ERBB2: variants seen among roughly 807,000 people sequenced by gnomAD.
The protein encoded by ERBB2 is erb-b2 receptor tyrosine kinase 2.
A neutral mutation model predicts 149.0 loss-of-function variants in ERBB2; 61 were observed. That is an observed-to-expected ratio of 0.41 (90% CI 0.33 to 0.51). The LOEUF is 0.51. ERBB2 is among the 20% of genes least tolerant of loss of function. ERBB2 has a pLI of 0.25. For synonymous variants in ERBB2, 633 were observed against 678.8 expected (o/e 0.93, Z 1.05); for missense variants, 1,205 against 1,655.1 (o/e 0.73, Z 4.72).
chr17:39,696,097 C>T (rs1188035910), upstream of ERBB2, among the ~76,000 whole-genome samples: 1 of 152,246 alleles, frequency 6.6e-6, no homozygotes, highest in South Asian at 2.1e-4. Context: ...CAGACATCCT[C>T]TTTCCTGGGC....
chr17:39,707,173 G>C (rs2145413530), intron 2 of ERBB2, 32 bp downstream of exon 2: 1 of 1,517,538 alleles, frequency 6.6e-7, no homozygotes, highest in South Asian at 1.3e-5. Flanking sequence ...GCCAGGCCCT[G>C]CCTCCAGCTG....
chr17:39,694,657 G>C (rs2057820367), upstream of ERBB2: 2 of 152,128 alleles, frequency 1.3e-5, no homozygotes. Flanking sequence ...CTTTGTGATT[G>C]CCATAGTTGT....
exon 2 of ERBB2, chr17:39,688,770 A>G (rs1162162493): frequency 6.6e-6 from 1 of 152,026 alleles, no homozygotes; most frequent in Non-Finnish European, 1.5e-5. Flanking sequence ...CCTGTTCACC[A>G]CTCTACCTCC....
Position 39,700,070 on chromosome 17 carries a change from C to T in ERBB2, c.-169C>T. 2 of 1,271,760 alleles carry T rather than the reference C, an allele frequency of 1.6e-6. No homozygotes were observed. The highest frequency in any genetic ancestry group is 2.0e-6 in the Non-Finnish European group (2 of 1,012,590). The allele number at this position is 1,271,760 out of a possible 1,614,324, so 78.8% of individuals were successfully genotyped here. ...AAGTTGTGAAGCTGAGATTCCCCTC[C>T]ATTGGGACCGGAGAAACCAGGGGAG... is the stretch of plus-strand genomic sequence containing the variant. On this transcript the variant is annotated 5_prime_UTR_variant, in exon 1 of 27. Transcript: ENST00000269571.
rs776838845 is a variant in ERBB2 at position 39,725,857 on chromosome 17, C to T, written c.2872+4C>T. 40 of 1,612,812 alleles carry T rather than the reference C, an allele frequency of 2.5e-5. No individual in the cohort carries two copies. In the East Asian group the frequency reaches 6.0e-4, roughly 24 times the overall value. On this transcript the variant is annotated splice_donor_region_variant and intron_variant, in intron 23 of 26. Coordinates refer to ENST00000269571, the MANE Select transcript of ERBB2 (RefSeq NM_004448.4). This position sits in a 1 kb window ranked among gnomAD's most constrained non-coding sequence, Gnocchi z 4.6. ...GTCTACATGATCATGGTCAAATGTG[C>T]GTGGCTGAGCTGTGCTGGCTGCCTG... is the stretch of plus-strand genomic sequence containing the variant.
Position 39,712,351 on chromosome 17 carries a change from C to A in ERBB2, c.1051C>A (p.Arg351=), listed in dbSNP as rs770327076. The A allele has an allele frequency of 1.9e-6, 3 of 1,610,372 alleles. No individual in the cohort carries two copies. Among genetic ancestry groups the A allele is most frequent in the Admixed American group, 1.7e-5 (1 of 59,916 alleles). The change falls in exon 9 of 27, where the codon CGA becomes AGA. Residue 351 remains arginine (R), a synonymous_variant. Transcript: ENST00000269571. Reference sequence around the variant, plus strand: ...CTATGGTCTGGGCATGGAGCACTTGCGAGAGGTGAGGGCAGTTACCAGTGC... The same window carrying A: ...CTATGGTCTGGGCATGGAGCACTTGAGAGAGGTGAGGGCAGTTACCAGTGC... ...VCYGLGMEHL[R]EVRAVTSANI...
At chr17:39,710,273 C>T (rs534429617) in intron 6 of ERBB2, 67 bp from the exon 7 acceptor site, 6 of 1,610,784 alleles carry the variant, frequency 3.7e-6, no homozygotes, top group East Asian at 2.2e-5. Flanking sequence ...CTGCCTGGTA[C>T]TGCCCTATTG....
intron 14 of ERBB2, 123 bp from the exon 15 acceptor site, chr17:39,717,197 G>T: frequency 1.4e-6 from 1 of 730,040 alleles, no homozygotes; most frequent in Non-Finnish European, 2.1e-6. Context: ...TGTCCCAGGA[G>T]CATGGCGAAA....
Position 39,709,175 on chromosome 17 carries a change from G to A in ERBB2, c.440-143G>A, listed in dbSNP as rs943049515. On this transcript the variant is annotated intron_variant, in intron 3 of 26. Transcript: ENST00000269571. ...TGTGGTGGTGGTGGGACTCAAAGAC[G>A]GTAAAGATAGCTTTCTCTCCTCCCT... 48 of 925,148 alleles carry A rather than the reference G, an allele frequency of 5.2e-5. No homozygotes were observed. In the East Asian group the frequency reaches 5.6e-4, roughly 11 times the overall value. 57.3% of individuals were successfully genotyped at this position (925,148 alleles called of 1,614,324 possible). A position where few individuals can be genotyped will look rare whatever the true frequency, so the allele number is the denominator to read the frequency against.
chr17:39,694,260 T>C (rs1242903177), upstream of ERBB2, among the ~76,000 whole-genome samples: 899 of 23,438 alleles, frequency 0.038, 93 homozygotes, highest in Non-Finnish European at 0.073. Context: ...TATATATATA[T>C]ATATATATGT....
intron 6 of ERBB2, 40 bp downstream of exon 6, chr17:39,710,241 C>T (rs2145509796): frequency 6.2e-7 from 1 of 1,608,052 alleles, no homozygotes; most frequent in Non-Finnish European, 8.5e-7. Flanking sequence ...CTCTACCCCC[C>T]AGGATGCAAG....
intron 5 of ERBB2, 83 bp from the exon 6 acceptor site, chr17:39,710,003 G>GT: frequency 6.6e-7 from 1 of 1,505,646 alleles, no homozygotes. Context: ...CCCTGGGCCA[G>GT]GTAGTCTCCC....
intron 1 of ERBB2, among the ~76,000 whole-genome samples, chr17:39,705,897 T>A (rs1367359772): frequency 2.0e-5 from 3 of 152,176 alleles, no homozygotes; most frequent in Non-Finnish European, 2.9e-5. Flanking sequence ...CCTGTGGGCC[T>A]GAGGGTGCCC....
rs2145639414 is a variant in ERBB2 at position 39,715,482 on chromosome 17, C to T, written c.1259C>T (p.Pro420Leu). Reference sequence around the variant, plus strand: ...ATCTCAGCATGGCCGGACAGCCTGCCTGACCTCAGCGTCTTCCAGAACCTG... The same window carrying T: ...ATCTCAGCATGGCCGGACAGCCTGCTTGACCTCAGCGTCTTCCAGAACCTG... Reference protein sequence around the residue: ...LYISAWPDSLPDLSVFQNLQV... With the variant: ...LYISAWPDSLLDLSVFQNLQV... Residue 420 changes from proline to leucine, a missense_variant, in exon 11 of 27, where the codon CCT becomes CTT. Coordinates refer to ENST00000269571, the MANE Select transcript of ERBB2 (RefSeq NM_004448.4). The T allele has an allele frequency of 1.2e-6, 2 of 1,614,212 alleles. No homozygotes were observed. The highest frequency in any genetic ancestry group is 2.2e-5 in the East Asian group (1 of 44,890).
intron 9 of ERBB2, among the ~76,000 whole-genome samples, chr17:39,715,010 C>T (rs570848704): frequency 6.4e-4 from 97 of 152,054 alleles, no homozygotes; most frequent in Non-Finnish European, 1.1e-3. Flanking sequence ...CTTCGTGATC[C>T]GCCCGCCTCG....
chr17:39,711,572 T>G (rs2058800056), intron 7 of ERBB2, among the ~76,000 whole-genome samples: 1 of 152,176 alleles, frequency 6.6e-6, no homozygotes, highest in Admixed American at 6.5e-5. Flanking sequence ...ACCTCTTTCC[T>G]CCTCTCACAG....
Position 39,726,728 on chromosome 17 carries a change from A to G in ERBB2, c.2970+69A>G. Reference sequence around the variant, plus strand: ...CCCTCCTGCAGAGGGTGGGAAGGAGAGATGAGTCCAGTATGCCAGGCCCCT... The same window carrying G: ...CCCTCCTGCAGAGGGTGGGAAGGAGGGATGAGTCCAGTATGCCAGGCCCCT... On this transcript the variant is annotated intron_variant, in intron 24 of 26. Transcript: ENST00000269571. This position sits in a 1 kb window ranked among gnomAD's most constrained non-coding sequence, Gnocchi z 5.1. 6.3e-7 allele frequency: 1 copy of G among 1,591,058 alleles called. No individual in the cohort carries two copies. The highest frequency in any genetic ancestry group is 8.6e-7 in the Non-Finnish European group (1 of 1,159,124).
At chr17:39,709,215 T>G in intron 3 of ERBB2, 103 bp from the exon 4 acceptor site, 2 of 1,333,426 alleles carry the variant, frequency 1.5e-6, no homozygotes, top group Non-Finnish European at 2.1e-6. Flanking sequence ...AATCTGGGGG[T>G]TGTTTAAAAG....
chr17:39,711,905 C>T lies in ERBB2; in HGVS notation c.902-23C>T, dbSNP rs1451068527. ...GTGCACGAAGGGCCAGGGTATGTGG[C>T]TACATGTTCCTGATCTCCTTAGACA... On this transcript the variant is annotated intron_variant, in intron 7 of 26. Coordinates refer to ENST00000269571, the MANE Select transcript of ERBB2 (RefSeq NM_004448.4). 4 of 1,613,712 alleles carry T rather than the reference C, an allele frequency of 2.5e-6. No individual in the cohort carries two copies. In the African/African-American group the frequency reaches 4.0e-5, roughly 16 times the overall value.
Sources: gnomAD v4.1 joint callset for allele counts (sites outside exome capture counted in the v4.1 genomes callset) on GRCh38, gnomAD v4.1.1 for gene constraint, Gnocchi (gnomAD v3.1) non-coding constraint, MANE v1.5 for transcripts, NCBI Gene and HGNC (gene_info 2026-07-23, HGNC 2026-07-21) for gene names.